KCP: variants seen among roughly 807,000 people sequenced by gnomAD.
KCP encodes the protein kielin cysteine rich BMP regulator.
KCP carries 194 observed loss-of-function variants against 212.7 expected under a neutral mutation model. That is an observed-to-expected ratio of 0.91 (90% CI 0.81 to 1.03). The LOEUF (loss-of-function observed/expected upper bound fraction) is 1.03. Among genes scored for constraint, KCP ranks in the 50% least tolerant of loss-of-function variants. The pLI is 0.00. For synonymous variants in KCP, 833 were observed against 865.3 expected (o/e 0.96, Z 0.65); for missense variants, 2,080 against 2,162.5 (o/e 0.96, Z 0.76).
In KCP at chr7:128,878,709, C is replaced by A. The variant is rs1345191258; in HGVS notation, c.4160G>T (p.Gly1387Val). 1 of 1,549,748 alleles carries A rather than the reference C, an allele frequency of 6.5e-7. No individual in the cohort carries two copies. The highest frequency in any genetic ancestry group is 8.7e-7 in the Non-Finnish European group (1 of 1,146,886). ...AQPGLQVLWD[G>V]QSQVEVSVPG... Reference sequence around the variant, plus strand: ...TACGCTCACCTCCACCTGGGACTGCCCATCCCACAGCACCTGTGTGGAGAG... The same window carrying A: ...TACGCTCACCTCCACCTGGGACTGCACATCCCACAGCACCTGTGTGGAGAG... Residue 1387 changes from glycine (G) to valine (V), a missense_variant, in exon 38 of 40, where the codon GGG becomes GTG. Transcript: ENST00000610776.
rs944799468 is a variant in KCP at position 128,892,875 on chromosome 7, G to A, written c.1414C>T (p.Pro472Ser). ...GATCAGCCCAGGCACTCACCAGGGGGCTGGGTGGGGTGCTGGCAGGGGGCT... is the reference window on the plus strand; with the variant it reads ...GATCAGCCCAGGCACTCACCAGGGGACTGGGTGGGGTGCTGGCAGGGGGCT... ...PPAPCQHPTQ[P>S]PGACCPSCDS... is the part of the protein sequence containing the mutation. Residue 472 changes from proline (P) to serine (S), a missense_variant, in exon 14 of 40, where the codon CCC (proline) becomes TCC (serine). Transcript: ENST00000610776. The A allele has an allele frequency of 6.4e-7, 1 of 1,550,540 alleles. No homozygotes were observed. The highest frequency in any genetic ancestry group is 1.4e-5 in the African/African-American group (1 of 73,132).
At chr7:128,880,561 T>C in intron 33 of KCP, 33 bp from the exon 34 acceptor site, 2 of 1,375,066 alleles carry the variant, frequency 1.5e-6, no homozygotes, top group Non-Finnish European at 1.9e-6. Flanking sequence ...GGTCAGCTGC[T>C]CCTCCCACAT....
Position 128,885,272 on chromosome 7 carries a change from T to G in KCP, c.2867-2A>C. ...GCTCTTCCCCATGAGCCAGGCAGCC[T>G]GTGGTGCAAAGTGGGCAGGGACGAG... On this transcript the variant is annotated splice_acceptor_variant, in intron 26 of 39. Transcript: ENST00000610776. LOFTEE classifies it high-confidence loss of function. 6.5e-7 allele frequency: 1 copy of G among 1,540,906 alleles called. No individual in the cohort carries two copies. The highest frequency in any genetic ancestry group is 8.8e-7 in the Non-Finnish European group (1 of 1,139,508).
Position 128,893,482 on chromosome 7 carries a change from TG to T in KCP, c.1100-7del. Reference sequence around the variant, plus strand: ...GTGTCCCTGGTACTCACAGCCTGGATGGGATGACAGGGGCGTGGGGGTATAG... The same window carrying T: ...GTGTCCCTGGTACTCACAGCCTGGATGGATGACAGGGGCGTGGGGGTATAG... On this transcript the variant is annotated splice_region_variant and splice_polypyrimidine_tract_variant and intron_variant, in intron 11 of 39. Transcript: ENST00000610776. The T allele has an allele frequency of 6.5e-7, 1 of 1,546,570 alleles. No homozygotes were observed.
chr7:128,893,760 G>T lies in KCP; in HGVS notation c.1099+46C>A, dbSNP rs554432583. On this transcript the variant is annotated intron_variant, in intron 11 of 39. Transcript: ENST00000610776. ...AATCCCCCACACCTACAGCCTCTCT[G>T]CAGCCAAGGCCTGCCCCTCCCGCAG... 846 of 1,528,710 alleles carry T rather than the reference G, an allele frequency of 5.5e-4. 12 individuals are homozygous for T. The South Asian group carries it at 9.2e-3, about 17-fold the overall frequency. 94.7% of individuals were successfully genotyped at this position (1,528,710 alleles called of 1,614,324 possible).
At chr7:128,887,369 GC>G in intron 22 of KCP, 69 bp from the exon 23 acceptor site, 1 of 1,128,614 alleles carries the variant, frequency 8.9e-7, no homozygotes, top group Non-Finnish European at 1.3e-6. Flanking sequence ...CACACACACA[GC>G]CCCTCCCCCT....
chr7:128,878,995 C>T, intron 37 of KCP: 2 of 474,024 alleles, frequency 4.2e-6, no homozygotes, highest in Non-Finnish European at 7.5e-6. Context: ...CTGCACTGGG[C>T]CCCAGGTGAA....
intron 18 of KCP, 67 bp downstream of exon 18, chr7:128,891,384 C>T: frequency 1.3e-6 from 2 of 1,544,030 alleles, no homozygotes; most frequent in African/African-American, 2.7e-5. Flanking sequence ...CCTGGGCGGG[C>T]CTCTCCTGGC....
chr7:128,883,661 A>G (rs536112191), intron 29 of KCP, among the ~76,000 whole-genome samples: 1 of 152,230 alleles, frequency 6.6e-6, no homozygotes, highest in African/African-American at 2.4e-5. Context: ...ATCTTAATAA[A>G]TTTTTACTCT....
intron 22 of KCP, among the ~76,000 whole-genome samples, chr7:128,888,214 CCACA>C (rs776817701): frequency 7.1e-6 from 1 of 140,400 alleles, no homozygotes; most frequent in Admixed American, 7.1e-5. Flanking sequence ...AGATACACAG[CCACA>C]CACACAGATA....
At chr7:128,907,022 T>G in intron 4 of KCP, 79 bp downstream of exon 4, 1 of 1,371,852 alleles carries the variant, frequency 7.3e-7, no homozygotes, top group Non-Finnish European at 1.0e-6. Context: ...TGCGACATCT[T>G]GAGTGCCACG....
chr7:128,905,224 G>C (rs568375230), intron 5 of KCP, among the ~76,000 whole-genome samples: 1 of 152,184 alleles, frequency 6.6e-6, no homozygotes, highest in South Asian at 2.1e-4. Flanking sequence ...AACTTCAGAA[G>C]AATAAGACGT....
At chr7:128,895,760 C>G (rs1369169514) in intron 8 of KCP, among the ~76,000 whole-genome samples, 1 of 152,230 alleles carries the variant, frequency 6.6e-6, no homozygotes, top group South Asian at 2.1e-4. Flanking sequence ...ACACTCCCAT[C>G]AGTGCCAAGA....
At chr7:128,890,218 C>G in intron 21 of KCP, 125 bp downstream of exon 21, 1 of 1,526,580 alleles carries the variant, frequency 6.6e-7, no homozygotes, top group African/African-American at 1.4e-5. Flanking sequence ...GGGCTCCCAG[C>G]CTCGGGGCTT....
chr7:128,902,818 A>G lies in KCP; in HGVS notation c.790T>C (p.Trp264Arg). 1 of 1,551,356 alleles carries G rather than the reference A, an allele frequency of 6.4e-7. No individual in the cohort carries two copies. Among genetic ancestry groups the G allele is most frequent in the Non-Finnish European group, 8.7e-7 (1 of 1,146,980 alleles). Residue 264 changes from tryptophan to arginine, a missense_variant, in exon 8 of 40, where the codon TGG (tryptophan) becomes CGG (arginine). Physicochemically the swap from Trp to Arg is moderately radical, Grantham distance 101. Transcript: ENST00000610776. ...CGGCAGGGGTCCCCAGGTGTTGTCC[A>G]CTCTTGGCCATGTTCCCAGTGAGAG... ...GGSHWEHGQEWTTPGDPCRIC... is the reference protein window; with the variant it reads ...GGSHWEHGQERTTPGDPCRIC...
At chr7:128,893,050 C>T (rs1794275126) in intron 13 of KCP, 29 bp from the exon 14 acceptor site, 1 of 873,188 alleles carries the variant, frequency 1.1e-6, no homozygotes, top group South Asian at 1.4e-5. Flanking sequence ...CACATGGCAG[C>T]CTACACACCT....
At chr7:128,884,745 G>C in intron 28 of KCP, 36 bp downstream of exon 28, 1 of 1,541,710 alleles carries the variant, frequency 6.5e-7, no homozygotes, top group Non-Finnish European at 8.8e-7. Context: ...CCCCCCCGAC[G>C]AGGTGCCCCA....
chr7:128,895,163 T>A (rs1459663709), intron 8 of KCP, among the ~76,000 whole-genome samples: 1 of 152,192 alleles, frequency 6.6e-6, no homozygotes, highest in Admixed American at 6.5e-5. Context: ...ACACCCAGTA[T>A]GCACTTATGC....
rs1196480497 is a variant in KCP at position 128,903,667 on chromosome 7, T to C, written c.748+60A>G. The C allele has an allele frequency of 6.5e-6, 9 of 1,385,742 alleles. No individual in the cohort carries two copies. In the Admixed American group the frequency reaches 2.3e-4, roughly 35 times the overall value. The allele number at this position is 1,385,742 out of a possible 1,614,324, so 85.8% of individuals were successfully genotyped here. On this transcript the variant is annotated intron_variant, in intron 7 of 39. Coordinates refer to ENST00000610776, the MANE Select transcript of KCP (RefSeq NM_001366122.1). ...AGGCCGGCAAGGTGGGCTCTGGAAT[T>C]CAAGAAATGGCACGACAACCTACCT... is the stretch of plus-strand genomic sequence containing the variant.
Sources: allele counts gnomAD v4.1 joint callset (sites outside exome capture counted in the v4.1 genomes callset), GRCh38; gene constraint gnomAD v4.1.1; transcripts MANE v1.5; gene names NCBI Gene and HGNC (gene_info 2026-07-23, HGNC 2026-07-21).